Variants in GORAB observed in about 807,000 individuals in gnomAD.
GORAB encodes golgin, RAB6 interacting.
A neutral mutation model predicts 29.9 loss-of-function variants in GORAB; 17 were observed. That is an observed-to-expected ratio of 0.57 (90% CI 0.39 to 0.85). The LOEUF (loss-of-function observed/expected upper bound fraction) is 0.85, where lower values mean the gene tolerates loss of function less well. Among genes scored for constraint, GORAB ranks in the 40% least tolerant of loss-of-function variants. GORAB has a pLI of 0.00. For synonymous variants in GORAB, 183 were observed against 157.2 expected, an observed-to-expected ratio of 1.16 and a Z score of -1.23; for missense variants, 442 against 437.8, an observed-to-expected ratio of 1.01 and a Z score of -0.09.
intron 1 of GORAB, among the ~76,000 whole-genome samples, chr1:170,535,837 G>C (rs962140973): frequency 4.6e-5 from 7 of 152,044 alleles, no homozygotes; most frequent in Non-Finnish European, 8.8e-5. Context: ...TTACAGGCAT[G>C]AGCCACCACT....
chr1:170,552,820 A>T lies in GORAB; in HGVS notation c.*358A>T, dbSNP rs1483813164. The stretch of plus-strand genomic sequence containing the variant: ...TGATACTCAATACCTAGTTAAACTC[A>T]TTTCACTTCTCCTGGGAGACGTATT... On this transcript the variant is annotated 3_prime_UTR_variant, in exon 5 of 5. Transcript: ENST00000367763. The T allele has an allele frequency of 2.2e-6, 1 of 455,930 alleles. No individual in the cohort carries two copies. The highest frequency in any genetic ancestry group is 1.6e-5 in the South Asian group (1 of 64,392). The allele number at this position is 455,930 out of a possible 1,614,324, so 28.2% of individuals were successfully genotyped here.
chr1:170,538,733 C>T (rs962801400), intron 1 of GORAB, among the ~76,000 whole-genome samples: 2 of 152,164 alleles, frequency 1.3e-5, no homozygotes, highest in Admixed American at 6.5e-5. Context: ...ATATGTATCA[C>T]ATATGTACCA....
intron 1 of GORAB, chr1:170,533,363 G>C (rs1473729671): frequency 3.8e-6 from 1 of 264,134 alleles, no homozygotes; most frequent in Non-Finnish European, 8.2e-6. Flanking sequence ...TATCATAAAG[G>C]TTAGGCTAAG....
chr1:170,532,508 C>T (rs1398069876), intron 1 of GORAB: 1 of 545,270 alleles, frequency 1.8e-6, no homozygotes, highest in African/African-American at 1.9e-5. Context: ...AAAAAACGGT[C>T]CAGGAATCCA....
intron 2 of GORAB, 57 bp downstream of exon 2, chr1:170,539,624 A>C (rs1649287978): frequency 7.7e-6 from 12 of 1,549,398 alleles, no homozygotes; most frequent in Non-Finnish European, 1.1e-5. Context: ...GTTTTTTCCC[A>C]ATGGGCTTTA....
chr1:170,543,793 A>G (rs910621193), intron 3 of GORAB, among the ~76,000 whole-genome samples: 2 of 152,206 alleles, frequency 1.3e-5, no homozygotes, highest in African/African-American at 4.8e-5. Flanking sequence ...CAGCACCAGT[A>G]TAAACAGAAG....
chr1:170,553,761 A>T lies in GORAB; in HGVS notation c.*1299A>T, dbSNP rs1004675047. ...TCTATAGATAGTTGTGCTTTTATTT[A>T]TGAAATACATAAAAGCCAACAGTTT... On this transcript the variant is annotated 3_prime_UTR_variant, in exon 5 of 5. Coordinates refer to ENST00000367763, the MANE Select transcript of GORAB (RefSeq NM_152281.3). 1 of 453,158 alleles carries T rather than the reference A, an allele frequency of 2.2e-6. No homozygotes were observed. The highest frequency in any genetic ancestry group is 2.0e-5 in the African/African-American group (1 of 50,082). The allele number at this position is 453,158 out of a possible 1,614,324, so 28.1% of individuals were successfully genotyped here.
chr1:170,547,912 TTC>T (rs1465229732), intron 4 of GORAB, among the ~76,000 whole-genome samples: 6 of 152,362 alleles, frequency 3.9e-5, no homozygotes, highest in African/African-American at 1.4e-4. Flanking sequence ...TACTGACTGA[TTC>T]TTAAGTTTGA....
intron 4 of GORAB, 114 bp from the exon 5 acceptor site, chr1:170,551,901 C>T (rs1650134102): frequency 3.4e-6 from 3 of 888,866 alleles, no homozygotes; most frequent in Non-Finnish European, 5.5e-6. Context: ...ATATCCGTAT[C>T]TTCATTATAT....
chr1:170,552,078 T>A lies in GORAB; in HGVS notation c.726T>A (p.Thr242=), dbSNP rs755034400. The A allele has an allele frequency of 1.3e-5, 21 of 1,613,818 alleles. No homozygotes were observed. The East Asian group carries it at 4.0e-4, about 31-fold the overall frequency. Residue 242 remains threonine (T), a synonymous_variant, in exon 5 of 5, where the codon ACT becomes ACA. Coordinates refer to ENST00000367763, the MANE Select transcript of GORAB (RefSeq NM_152281.3). ...IAAKLDIQRK[T]EIKEQLTEHL... ...CAAAGCTAGATATACAGCGCAAGAC[T>A]GAGATAAAAGAGCAACTCACTGAAC... is the stretch of plus-strand genomic sequence containing the variant.
intron 1 of GORAB, among the ~76,000 whole-genome samples, chr1:170,535,308 T>C (rs188936764): frequency 2.6e-5 from 4 of 152,338 alleles, no homozygotes; most frequent in African/African-American, 9.6e-5. Flanking sequence ...TTTAATCATA[T>C]AGGTTGGAAG....
rs943081553 is a variant in GORAB, at chr1:170,551,889, T to C, written c.663-126T>C. 12 of 801,414 alleles carry C rather than the reference T, an allele frequency of 1.5e-5. No homozygotes were observed. The South Asian group carries it at 1.9e-4, about 13-fold the overall frequency. The allele number at this position is 801,414 out of a possible 1,614,324, so 49.6% of individuals were successfully genotyped here. On this transcript the variant is annotated intron_variant, in intron 4 of 4. Coordinates refer to ENST00000367763, the MANE Select transcript of GORAB (RefSeq NM_152281.3). ...ATGTAGACAAGTGTTTGTAAAGTAG[T>C]AATATCCGTATCTTCATTATATATT...
At chr1:170,542,644 C>A in intron 3 of GORAB, 52 bp downstream of exon 3, 1 of 1,142,590 alleles carries the variant, frequency 8.8e-7, no homozygotes, top group South Asian at 1.2e-5. Flanking sequence ...CCAGTTGTGT[C>A]ATGTGTTATA....
chr1:170,543,942 A>G (rs1649598980), intron 3 of GORAB, among the ~76,000 whole-genome samples: 2 of 152,230 alleles, frequency 1.3e-5, no homozygotes, highest in South Asian at 4.1e-4. Context: ...AGAATGTGCT[A>G]TGTAACATGG....
chr1:170,547,469 G>A (rs1354635018), intron 4 of GORAB, among the ~76,000 whole-genome samples: 3 of 151,634 alleles, frequency 2.0e-5, no homozygotes, highest in Non-Finnish European at 1.5e-5. Flanking sequence ...TACTGCTACT[G>A]TTCACCACTG....
At chr1:170,542,170 T>TA (rs1459629909) in intron 2 of GORAB, among the ~76,000 whole-genome samples, 2 of 152,212 alleles carry the variant, frequency 1.3e-5, no homozygotes, top group African/African-American at 2.4e-5. Flanking sequence ...ATAATTAACT[T>TA]ACACAAATTT....
rs752751787 is a variant in GORAB at position 170,539,251 on chromosome 1, C to A, written c.103C>A (p.Arg35=). 24 of 1,613,976 alleles carry A rather than the reference C, an allele frequency of 1.5e-5. No individual in the cohort carries two copies. In the Admixed American group the frequency reaches 3.7e-4, roughly 25 times the overall value. The part of the protein sequence containing the change: ...PQRRLPAKKS[R]QQLQREKALV... ...GCGACGTCTCCCCGCGAAGAAAAGTCGACAACAACTTCAGCGAGAAAAAGC... is the reference window on the plus strand; with the variant it reads ...GCGACGTCTCCCCGCGAAGAAAAGTAGACAACAACTTCAGCGAGAAAAAGC... Residue 35 remains arginine (R), a synonymous_variant, in exon 2 of 5, where the codon CGA becomes AGA. Transcript: ENST00000367763.
At position 170,538,847 on chromosome 1, in the gene GORAB, A is replaced by C. The variant is rs562436978; in HGVS notation, c.62-363A>C. ...CAGACAGAACCATAAATCAAATTTA[A>C]AACCAGATAATTCAGTCACCTCCCT... On this transcript the variant is annotated intron_variant, in intron 1 of 4. Transcript: ENST00000367763. Among the ~76,000 whole-genome samples, 10 of 152,334 alleles carry C rather than the reference A, an allele frequency of 6.6e-5. No homozygotes were observed. In the South Asian group the frequency reaches 1.5e-3, roughly 22 times the overall value.
intron 4 of GORAB, among the ~76,000 whole-genome samples, chr1:170,548,174 C>T (rs1649877630): frequency 6.6e-6 from 1 of 152,234 alleles, no homozygotes; most frequent in African/African-American, 2.4e-5. Context: ...CCATTTCTTG[C>T]CTCTTCCAGC....
Sources: gnomAD v4.1 joint callset for allele counts (sites outside exome capture counted in the v4.1 genomes callset) on GRCh38, gnomAD v4.1.1 for gene constraint, MANE v1.5 for transcripts, NCBI Gene and HGNC (gene_info 2026-07-23, HGNC 2026-07-21) for gene names.